Variants in TRIO observed in about 807,000 individuals in gnomAD.
TRIO encodes triple functional domain protein.
Under a neutral mutation model 351.9 loss-of-function variants are expected in TRIO, and 58 were observed. The observed-to-expected ratio is 0.16, with a 90% confidence interval of 0.13 to 0.21. The LOEUF is 0.21. Ranked by LOEUF, TRIO falls within the 10% of genes least tolerant of loss-of-function variation. TRIO has a pLI of 1.00. For missense variants in TRIO, 3,201 were observed against 4,027.8 expected, an observed-to-expected ratio of 0.79 and a Z score of 5.56; for synonymous variants, 1,758 against 1,595.7, an observed-to-expected ratio of 1.10 and a Z score of -2.42.
At chr5:14,481,771 CTTTTTTTTTTTTT>C (rs34046917) in intron 45 of TRIO, 153 bp downstream of exon 45, 10 of 189,354 alleles carry the variant, frequency 5.3e-5, no homozygotes, top group South Asian at 3.2e-4. Flanking sequence ...ATTTTATTTC[CTTTTTTTTTTTTT>C]TTTTTTTTTT....
chr5:14,401,997 G>A (rs1748111520), intron 31 of TRIO, among the ~76,000 whole-genome samples: 2 of 152,168 alleles, frequency 1.3e-5, no homozygotes, highest in Admixed American at 6.5e-5. Flanking sequence ...CTGTTCTTCA[G>A]TGGAAGCCAT....
At chr5:14,184,423 C>G (rs1287779192) in intron 1 of TRIO, among the ~76,000 whole-genome samples, 1 of 152,218 alleles carries the variant, frequency 6.6e-6, no homozygotes, top group Non-Finnish European at 1.5e-5. Context: ...ACTAAAGGCA[C>G]TTGGCAATGT....
At chr5:14,467,274 T>C (rs1754330264) in intron 37 of TRIO, among the ~76,000 whole-genome samples, 1 of 152,238 alleles carries the variant, frequency 6.6e-6, no homozygotes, top group African/African-American at 2.4e-5. Context: ...CATTTGGGCA[T>C]TAACTAGGTA....
At chr5:14,408,715 A>G (rs1748927828) in intron 33 of TRIO, among the ~76,000 whole-genome samples, 1 of 152,136 alleles carries the variant, frequency 6.6e-6, no homozygotes, top group South Asian at 2.1e-4. Flanking sequence ...AAGTTGAATC[A>G]TGGGTGCTCA....
At chr5:14,230,281 A>G (rs1581401300) in intron 1 of TRIO, among the ~76,000 whole-genome samples, 1 of 151,956 alleles carries the variant, frequency 6.6e-6, no homozygotes, top group South Asian at 2.1e-4. Context: ...AGTTGGGTCT[A>G]TGCTCAGGAT....
In TRIO at chr5:14,257,858, T is replaced by TTTGG. The variant is rs777571535; in HGVS notation, c.158-12966_158-12965insTGGT. On this transcript the variant is annotated intron_variant, in intron 1 of 56. Coordinates refer to ENST00000344204, the MANE Select transcript of TRIO (RefSeq NM_007118.4). The stretch of plus-strand genomic sequence containing the variant: ...GGTAAATGGGCAAAAATTCCCAAAA[T>TTTGG]TCAGTTATTTAAAGCACTTACCAAA... 1.4e-3 allele frequency among the ~76,000 whole-genome samples: 206 copies of TTTGG among 152,364 alleles called. 1 individual carries two copies. The highest frequency in any genetic ancestry group is 3.4e-3 in the Middle Eastern group (1 of 294).
intron 1 of TRIO, among the ~76,000 whole-genome samples, chr5:14,240,619 G>GGA (rs1794070395): frequency 6.6e-6 from 1 of 152,198 alleles, no homozygotes; most frequent in Non-Finnish European, 1.5e-5. Flanking sequence ...TCAGCTGCAG[G>GGA]GAGTGGGTAT....
intron 3 of TRIO, among the ~76,000 whole-genome samples, chr5:14,285,940 C>G (rs188784359): frequency 9.2e-5 from 14 of 152,194 alleles, no homozygotes; most frequent in Non-Finnish European, 2.1e-4. Context: ...GCTTCTATCA[C>G]TGAAGTTGTA....
In TRIO at chr5:14,437,684, CCA is replaced by C. The variant is rs779656993; in HGVS notation, c.5203+17665_5203+17666del. Among the ~76,000 whole-genome samples the C allele has an allele frequency of 8.3e-5, 9 of 107,874 alleles. No homozygotes were observed. The South Asian group carries it at 1.4e-3, about 17-fold the overall frequency. The allele number at this position is 107,874 out of a possible 152,430, so 70.8% of individuals were successfully genotyped here. ...GGACACCAGGCATATTGGATGAGGA[CCA>C]CCCCCCCCGCCCCAAGGACCTCATT... On this transcript the variant is annotated intron_variant, in intron 34 of 56. Coordinates refer to ENST00000344204, the MANE Select transcript of TRIO (RefSeq NM_007118.4).
chr5:14,265,499 C>T (rs887585454), intron 1 of TRIO, among the ~76,000 whole-genome samples: 9 of 151,886 alleles, frequency 5.9e-5, no homozygotes, highest in African/African-American at 2.2e-4. Context: ...GTAAAAATAC[C>T]ATTTTTAACA....
intron 1 of TRIO, among the ~76,000 whole-genome samples, chr5:14,194,220 T>A (rs1790623225): frequency 1.3e-5 from 2 of 152,236 alleles, no homozygotes; most frequent in Non-Finnish European, 2.9e-5. Flanking sequence ...GTTTTATACA[T>A]TGATCGGATT....
intron 1 of TRIO, among the ~76,000 whole-genome samples, chr5:14,257,288 G>A (rs904645301): frequency 1.3e-5 from 2 of 152,224 alleles, no homozygotes; most frequent in Non-Finnish European, 2.9e-5. Context: ...CGTTGTGATA[G>A]CATTCACTCT....
chr5:14,250,448 A>G (rs980840833), intron 1 of TRIO, among the ~76,000 whole-genome samples: 2 of 152,252 alleles, frequency 1.3e-5, no homozygotes, highest in Non-Finnish European at 2.9e-5. Flanking sequence ...GCTTTTATGC[A>G]GAAAAATGAC....
intron 2 of TRIO, among the ~76,000 whole-genome samples, chr5:14,273,738 T>G (rs2152271589): frequency 6.6e-6 from 1 of 152,358 alleles, no homozygotes; most frequent in Admixed American, 6.5e-5. Flanking sequence ...TAATGGAGTT[T>G]GCGCCTAATG....
At chr5:14,401,271 C>G (rs1349817340) in intron 31 of TRIO, among the ~76,000 whole-genome samples, 2 of 152,214 alleles carry the variant, frequency 1.3e-5, no homozygotes, top group Non-Finnish European at 2.9e-5. Context: ...GTTAAACTTT[C>G]ACTTGACTCC....
chr5:14,182,860 A>AG (rs1789870037), intron 1 of TRIO, among the ~76,000 whole-genome samples: 1 of 54,200 alleles, frequency 1.8e-5, no homozygotes, highest in South Asian at 6.4e-4. Flanking sequence ...AATACAGTGG[A>AG]GACCCCCCCC....
At chr5:14,300,987 G>A (rs1581567761) in intron 7 of TRIO, among the ~76,000 whole-genome samples, 1 of 152,122 alleles carries the variant, frequency 6.6e-6, no homozygotes. Context: ...AGGTGGCGGG[G>A]GTGAGAGATG....
In TRIO at chr5:14,379,733, G is replaced by A. The variant is rs140162810; in HGVS notation, c.3448-1397G>A. Among the ~76,000 whole-genome samples, 853 of 152,298 alleles carry A rather than the reference G, an allele frequency of 5.6e-3. 5 individuals are homozygous for A. The highest frequency in any genetic ancestry group is 0.019 in the African/African-American group (799 of 41,548). On this transcript the variant is annotated intron_variant, in intron 20 of 56. Transcript: ENST00000344204. ...AGCAAAATTGTACATAATTTTGTTG[G>A]CAGAGAAAGATAATGGAATGTATTG...
At chr5:14,206,216 A>G (rs1413378419) in intron 1 of TRIO, among the ~76,000 whole-genome samples, 2 of 152,024 alleles carry the variant, frequency 1.3e-5, no homozygotes, top group African/African-American at 2.4e-5. Flanking sequence ...TCGCACCACC[A>G]TACATGGCTA....
Sources: allele counts gnomAD v4.1 joint callset (sites outside exome capture counted in the v4.1 genomes callset), GRCh38; gene constraint gnomAD v4.1.1; transcripts MANE v1.5; gene names NCBI Gene and HGNC (gene_info 2026-07-23, HGNC 2026-07-21).